Variants in THSD7B observed in about 807,000 individuals in gnomAD.
THSD7B encodes the protein thrombospondin type 1 domain containing 7B.
In THSD7B, 138 loss-of-function variants were observed where a neutral mutation model predicts 213.6. That is an observed-to-expected ratio of 0.65 (90% CI 0.56 to 0.74). THSD7B has a LOEUF of 0.74. Ranked by LOEUF, THSD7B falls within the 30% of genes least tolerant of loss-of-function variation. The probability of loss-of-function intolerance (pLI) is 0.00; values close to 1 mark genes in which losing one functional copy is unlikely to be tolerated. For synonymous variants in THSD7B, 742 were observed against 687.0 expected (o/e 1.08, Z -1.25); for missense variants, 1,931 against 1,991.5 (o/e 0.97, Z 0.58).
At chr2:137,115,620 T>C (rs1688435950) in intron 5 of THSD7B, among the ~76,000 whole-genome samples, 1 of 152,194 alleles carries the variant, frequency 6.6e-6, no homozygotes, top group Non-Finnish European at 1.5e-5. Flanking sequence ...TGGCATTCTT[T>C]TTTGTTTTTT....
Position 137,486,915 on chromosome 2 carries a change from G to A in THSD7B, c.3138+35892G>A, listed in dbSNP as rs1298208078. ...ACTACTGGGTAAATAACGAAATGAA[G>A]GCAGAAATAAAGATGTTCTTTGAAA... On this transcript the variant is annotated intron_variant, in intron 15 of 27. Transcript: ENST00000409968. Among the ~76,000 whole-genome samples the A allele has an allele frequency of 2.6e-5, 4 of 152,046 alleles. No homozygotes were observed. In the East Asian group the frequency reaches 7.7e-4, roughly 29 times the overall value.
intron 12 of THSD7B, among the ~76,000 whole-genome samples, chr2:137,366,320 A>G (rs1000967975): frequency 1.3e-5 from 2 of 152,098 alleles, no homozygotes; most frequent in Non-Finnish European, 2.9e-5. Context: ...CAGCAAACCA[A>G]CATGGCTTAT....
At chr2:136,801,148 G>A (rs955034247) in intron 1 of THSD7B, among the ~76,000 whole-genome samples, 2 of 152,010 alleles carry the variant, frequency 1.3e-5, no homozygotes, top group African/African-American at 2.4e-5. Flanking sequence ...TATTTACTCC[G>A]ACAAATGATG....
intron 15 of THSD7B, among the ~76,000 whole-genome samples, chr2:137,460,695 C>T (rs948994746): frequency 1.3e-5 from 2 of 151,898 alleles, no homozygotes; most frequent in Non-Finnish European, 2.9e-5. Flanking sequence ...TTCTTTGGCC[C>T]TTTTTGTATA....
In THSD7B at chr2:137,057,028, A is replaced by G. The variant is rs770190260; in HGVS notation, c.748A>G (p.Lys250Glu). 6.2e-6 allele frequency: 10 copies of G among 1,613,960 alleles called. No individual in the cohort carries two copies. The East Asian group carries it at 2.2e-4, about 36-fold the overall frequency. The change falls in exon 3 of 28, where the codon AAA becomes GAA. Residue 250 changes from lysine to glutamate, a missense_variant. Physicochemically the swap from Lys to Glu is moderately conservative, Grantham distance 56. Transcript: ENST00000409968. Reference sequence around the variant, plus strand: ...TAGCCTTAAGGTTGGACCATGGAGTAAATGCAGACTGCCTCATCTTAAAGA... The same window carrying G: ...TAGCCTTAAGGTTGGACCATGGAGTGAATGCAGACTGCCTCATCTTAAAGA... ...TFSLKVGPWS[K>E]CRLPHLKEIN...
chr2:137,386,114 A>G (rs1227957237), intron 12 of THSD7B, among the ~76,000 whole-genome samples: 1 of 152,138 alleles, frequency 6.6e-6, no homozygotes, highest in East Asian at 1.9e-4. Flanking sequence ...TTCTCTGCAC[A>G]CCTTTCATGG....
chr2:137,231,159 T>C lies in THSD7B; in HGVS notation c.1839T>C (p.Cys613=). Residue 613 remains cysteine, a synonymous_variant, in exon 8 of 28, where the codon TGT becomes TGC. Coordinates refer to ENST00000409968, the MANE Select transcript of THSD7B (RefSeq NM_001316349.2). ...VLSEWTEWSS[C]SQSCSNKNSD... ...GCGAGTGGACGGAGTGGTCATCCTG[T>C]TCCCAGTCCTGTTCAAATAAAAACT... 6.2e-7 allele frequency: 1 copy of C among 1,613,682 alleles called. No individual in the cohort carries two copies. Among genetic ancestry groups the C allele is most frequent in the South Asian group, 1.1e-5 (1 of 91,044 alleles).
intron 2 of THSD7B, among the ~76,000 whole-genome samples, chr2:136,907,178 C>T (rs1272259574): frequency 6.6e-6 from 1 of 152,012 alleles, no homozygotes; most frequent in Non-Finnish European, 1.5e-5. Context: ...CTCCTGACCT[C>T]AGGTGATCCA....
At chr2:137,076,109 A>C (rs1198647481) in intron 3 of THSD7B, among the ~76,000 whole-genome samples, 1 of 152,126 alleles carries the variant, frequency 6.6e-6, no homozygotes, top group East Asian at 1.9e-4. Flanking sequence ...GCTCTCTTCA[A>C]AGCTGTCAGA....
intron 12 of THSD7B, among the ~76,000 whole-genome samples, chr2:137,393,110 A>G (rs1291020665): frequency 6.7e-6 from 1 of 149,118 alleles, no homozygotes; most frequent in African/African-American, 2.5e-5. Context: ...TGATCTTACT[A>G]GGTAAAAATT....
At chr2:137,132,190 T>C (rs898451675) in intron 5 of THSD7B, among the ~76,000 whole-genome samples, 1 of 151,304 alleles carries the variant, frequency 6.6e-6, no homozygotes, top group African/African-American at 2.4e-5. Context: ...TTGTCTGTTA[T>C]TGGTGTATAA....
chr2:137,178,844 G>C (rs1001925628), intron 7 of THSD7B, among the ~76,000 whole-genome samples: 2 of 152,180 alleles, frequency 1.3e-5, no homozygotes, highest in Admixed American at 1.3e-4. Context: ...TTGCAAGATA[G>C]CTTTTGTCTT....
chr2:137,336,729 T>C (rs1320002952), intron 12 of THSD7B, among the ~76,000 whole-genome samples: 2 of 152,156 alleles, frequency 1.3e-5, no homozygotes, highest in African/African-American at 4.8e-5. Flanking sequence ...TTTGTCTAAC[T>C]GGAGTTATGT....
intron 5 of THSD7B, among the ~76,000 whole-genome samples, chr2:137,126,000 T>G (rs1184255735): frequency 1.3e-5 from 2 of 152,164 alleles, no homozygotes; most frequent in African/African-American, 4.8e-5. Flanking sequence ...GGGCTTAAAA[T>G]ATTTAGGAAA....
chr2:137,112,340 G>A (rs1394500962), intron 4 of THSD7B, among the ~76,000 whole-genome samples: 1 of 145,562 alleles, frequency 6.9e-6, no homozygotes, highest in Non-Finnish European at 1.5e-5. Flanking sequence ...CCTCTTGCTA[G>A]GTTGATATTT....
intron 15 of THSD7B, among the ~76,000 whole-genome samples, chr2:137,509,641 T>A (rs1045543480): frequency 1.3e-5 from 2 of 152,194 alleles, no homozygotes; most frequent in African/African-American, 4.8e-5. Context: ...GTCTGCTAAG[T>A]CCACTCCTAG....
At chr2:136,871,624 G>A (rs1020227811) in intron 1 of THSD7B, among the ~76,000 whole-genome samples, 1 of 152,114 alleles carries the variant, frequency 6.6e-6, no homozygotes, top group Non-Finnish European at 1.5e-5. Context: ...ATGATGACAA[G>A]GCAGTTCTGA....
rs192036210 is a variant in THSD7B at position 137,553,643 on chromosome 2, A to T, written c.3139-9578A>T. On this transcript the variant is annotated intron_variant, in intron 15 of 27. Coordinates refer to ENST00000409968, the MANE Select transcript of THSD7B (RefSeq NM_001316349.2). ...CAGAGGATTTGGACTTTTCAGTGGC[A>T]TTTTTTTAGCATCTATGGCCCTATT... 6.0e-4 allele frequency among the ~76,000 whole-genome samples: 92 copies of T among 152,250 alleles called. 1 individual carries two copies. Among genetic ancestry groups the T allele is most frequent in the African/African-American group, 2.0e-3 (83 of 41,544 alleles).
rs1415898012 is a variant in THSD7B at position 137,588,595 on chromosome 2, T to A, written c.3423+16039T>A. On this transcript the variant is annotated intron_variant, in intron 17 of 27. Coordinates refer to ENST00000409968, the MANE Select transcript of THSD7B (RefSeq NM_001316349.2). ...AACTATAGCATATTTTTATTAGATT[T>A]AAAAAGATCCATTGAAATCCAGCAC... 2.6e-5 allele frequency among the ~76,000 whole-genome samples: 4 copies of A among 152,066 alleles called. No individual in the cohort carries two copies. In the East Asian group the frequency reaches 7.7e-4, roughly 29 times the overall value.
Sources: allele counts gnomAD v4.1 joint callset (sites outside exome capture counted in the v4.1 genomes callset), GRCh38; gene constraint gnomAD v4.1.1; transcripts MANE v1.5; gene names NCBI Gene and HGNC (gene_info 2026-07-23, HGNC 2026-07-21).